Variants in MAPK10 observed in about 807,000 individuals in gnomAD.
The protein encoded by MAPK10 is JNK3 alpha protein kinase.
Under a neutral mutation model 59.3 loss-of-function variants are expected in MAPK10, and 25 were observed. The observed-to-expected ratio is 0.42, with a 90% CI of 0.31 to 0.59. The LOEUF is 0.59. Among genes scored for constraint, MAPK10 ranks in the 20% least tolerant of loss-of-function variants. MAPK10 has a pLI of 0.15. For synonymous variants in MAPK10, 190 were observed against 200.5 expected (o/e 0.95, Z 0.44); for missense variants, 351 against 568.9 (o/e 0.62, Z 3.90).
At chr4:86,346,070 A>T (rs1728013275) in intron 2 of MAPK10, among the ~76,000 whole-genome samples, 1 of 152,206 alleles carries the variant, frequency 6.6e-6, no homozygotes, top group South Asian at 2.1e-4. Context: ...TTAAATTATA[A>T]CACAGAGTCA....
chr4:86,561,053 G>A (rs1272809078), intron 1 of MAPK10, among the ~76,000 whole-genome samples: 6 of 152,202 alleles, frequency 3.9e-5, no homozygotes, highest in Admixed American at 1.3e-4. Flanking sequence ...GCGGGAGTAG[G>A]GGGAATGAAA....
intron 1 of MAPK10, among the ~76,000 whole-genome samples, chr4:86,556,197 A>T (rs1760255052): frequency 1.3e-5 from 2 of 152,300 alleles, no homozygotes; most frequent in East Asian, 3.9e-4. Flanking sequence ...TTTTAATTTA[A>T]TGGAACCTGT....
intron 1 of MAPK10, among the ~76,000 whole-genome samples, chr4:86,558,953 C>T (rs1760466008): frequency 6.6e-6 from 1 of 151,770 alleles, no homozygotes; most frequent in Non-Finnish European, 1.5e-5. Context: ...ATTATGATAC[C>T]ACCTCATTAA....
At chr4:86,216,081 T>C (rs181230729) in intron 2 of MAPK10, among the ~76,000 whole-genome samples, 166 of 151,650 alleles carry the variant, frequency 1.1e-3, no homozygotes, top group African/African-American at 3.8e-3. Context: ...AAATGAAAAA[T>C]AGAATTACCA....
At chr4:86,188,501 T>C (rs2078828201) in intron 3 of MAPK10, among the ~76,000 whole-genome samples, 1 of 152,252 alleles carries the variant, frequency 6.6e-6, no homozygotes, top group African/African-American at 2.4e-5. Context: ...TGACCAGTGA[T>C]GAAGAGCTTT....
intron 11 of MAPK10, among the ~76,000 whole-genome samples, chr4:86,063,210 T>C (rs2046062554): frequency 6.6e-6 from 1 of 152,134 alleles, no homozygotes; most frequent in Non-Finnish European, 1.5e-5. Context: ...TCTTCTCTAG[T>C]GAAGAATGAA....
intron 1 of MAPK10, among the ~76,000 whole-genome samples, chr4:86,429,463 A>T (rs1247540222): frequency 1.3e-5 from 2 of 152,188 alleles, no homozygotes; most frequent in Non-Finnish European, 2.9e-5. Context: ...TTATTCTGTT[A>T]TTATCATATA....
chr4:86,543,467 G>A (rs537299012), intron 1 of MAPK10, among the ~76,000 whole-genome samples: 1 of 152,238 alleles, frequency 6.6e-6, no homozygotes, highest in Non-Finnish European at 1.5e-5. Context: ...CACGATGGCT[G>A]AAGAGACACC....
intron 2 of MAPK10, among the ~76,000 whole-genome samples, chr4:86,318,769 A>G (rs1225560213): frequency 6.6e-6 from 1 of 152,204 alleles, no homozygotes; most frequent in Non-Finnish European, 1.5e-5. Flanking sequence ...AGACATTTAC[A>G]TAAATTAATA....
At chr4:86,056,109 C>T (rs2044496233) in intron 11 of MAPK10, among the ~76,000 whole-genome samples, 1 of 149,898 alleles carries the variant, frequency 6.7e-6, no homozygotes, top group South Asian at 2.1e-4. Context: ...GACTTTAATC[C>T]CCTTTCCTCC....
intron 1 of MAPK10, among the ~76,000 whole-genome samples, chr4:86,589,949 A>G (rs1022155724): frequency 6.7e-6 from 1 of 150,294 alleles, no homozygotes; most frequent in Non-Finnish European, 1.5e-5. Context: ...GCGCCACTGC[A>G]CTCCAGCCTG....
intron 2 of MAPK10, among the ~76,000 whole-genome samples, chr4:86,319,736 A>C (rs758276502): frequency 1.4e-4 from 22 of 152,194 alleles, no homozygotes; most frequent in African/African-American, 2.2e-4. Flanking sequence ...TAGAAGAGTT[A>C]ATGTCCCCAG....
chr4:86,542,138 G>A (rs1022759279), intron 1 of MAPK10, among the ~76,000 whole-genome samples: 11 of 152,090 alleles, frequency 7.2e-5, no homozygotes, highest in African/African-American at 2.4e-4. Context: ...TTGAGAGATA[G>A]AAGTATTATC....
chr4:86,549,924 A>C (rs1726262514), intron 1 of MAPK10, among the ~76,000 whole-genome samples: 1 of 152,186 alleles, frequency 6.6e-6, no homozygotes, highest in African/African-American at 2.4e-5. Flanking sequence ...GTCACATTAT[A>C]CCTTAAAAGT....
intron 1 of MAPK10, among the ~76,000 whole-genome samples, chr4:86,566,746 C>A (rs894174951): frequency 6.6e-6 from 1 of 151,624 alleles, no homozygotes; most frequent in Non-Finnish European, 1.5e-5. Context: ...TGTAACTAAT[C>A]ATCACCAATG....
intron 2 of MAPK10, among the ~76,000 whole-genome samples, chr4:86,231,263 C>A (rs1379213445): frequency 2.0e-5 from 3 of 152,112 alleles, no homozygotes. Flanking sequence ...ATCTTTGGGT[C>A]ATACTTATAC....
At chr4:86,522,290 C>T (rs1315229620) in intron 1 of MAPK10, among the ~76,000 whole-genome samples, 1 of 152,094 alleles carries the variant, frequency 6.6e-6, no homozygotes, top group Non-Finnish European at 1.5e-5. Context: ...TTGTACTTCC[C>T]AGAAAGCCCA....
At chr4:86,561,752 T>C (rs947936254) in intron 1 of MAPK10, among the ~76,000 whole-genome samples, 3 of 152,196 alleles carry the variant, frequency 2.0e-5, no homozygotes, top group Non-Finnish European at 1.5e-5. Context: ...AAAACACTTT[T>C]CTATGTCAAG....
At chr4:86,238,157 G>A (rs1179956291) in intron 2 of MAPK10, among the ~76,000 whole-genome samples, 2 of 152,014 alleles carry the variant, frequency 1.3e-5, no homozygotes, top group Non-Finnish European at 2.9e-5. Flanking sequence ...ATGGTTGTAG[G>A]TGTGTAGTGT....
Sources: gnomAD v4.1 joint callset for allele counts (sites outside exome capture counted in the v4.1 genomes callset) on GRCh38, gnomAD v4.1.1 for gene constraint, MANE v1.5 for transcripts, NCBI Gene and HGNC (gene_info 2026-07-23, HGNC 2026-07-21) for gene names.